SLC9C2: variants seen among roughly 807,000 people sequenced by gnomAD.
SLC9C2 encodes the protein solute carrier family 9 member C2 (putative), also known as sodium/hydrogen exchanger 11.
In SLC9C2, 75 loss-of-function variants were observed where a neutral mutation model predicts 140.2. The ratio of observed to expected loss-of-function variants is 0.53; its 90% CI spans 0.44 to 0.65. The LOEUF is 0.65. SLC9C2 is among the 30% of genes least tolerant of loss of function. SLC9C2 has a pLI of 0.00. For missense variants in SLC9C2, 1,074 were observed against 1,331.8 expected, an observed-to-expected ratio of 0.81 and a Z score of 3.01; for synonymous variants, 375 against 420.9, an observed-to-expected ratio of 0.89 and a Z score of 1.34.
intron 26 of SLC9C2, 140 bp from the exon 27 acceptor site, chr1:173,503,466 T>A (rs1659420850): frequency 7.8e-6 from 6 of 770,028 alleles, no homozygotes; most frequent in Non-Finnish European, 1.2e-5. Context: ...TGTCCCTGTT[T>A]TTCTTCCCTC....
intron 3 of SLC9C2, among the ~76,000 whole-genome samples, chr1:173,598,740 G>C (rs1666584203): frequency 6.6e-6 from 1 of 152,152 alleles, no homozygotes; most frequent in Admixed American, 6.5e-5. Flanking sequence ...ATTAACTCAA[G>C]GGTTAATAAG....
chr1:173,515,970 T>C (rs1350338387), intron 23 of SLC9C2, among the ~76,000 whole-genome samples: 1 of 152,190 alleles, frequency 6.6e-6, no homozygotes, highest in African/African-American at 2.4e-5. Context: ...CCTATTCATC[T>C]GGTTTGCTCC....
intron 5 of SLC9C2, among the ~76,000 whole-genome samples, chr1:173,584,796 T>C (rs1016489698): frequency 6.6e-6 from 1 of 152,166 alleles, no homozygotes; most frequent in Non-Finnish European, 1.5e-5. Flanking sequence ...CATTAGGTCA[T>C]TTGAAGTTGT....
intron 22 of SLC9C2, among the ~76,000 whole-genome samples, chr1:173,518,056 C>A (rs767689892): frequency 6.6e-6 from 1 of 152,014 alleles, no homozygotes; most frequent in Non-Finnish European, 1.5e-5. Context: ...ATCAAGAGTT[C>A]GGGACCAGCC....
At chr1:173,526,233 T>C (rs1278516786) in intron 19 of SLC9C2, among the ~76,000 whole-genome samples, 1 of 152,188 alleles carries the variant, frequency 6.6e-6, no homozygotes, top group Non-Finnish European at 1.5e-5. Flanking sequence ...GGAAATGACA[T>C]TCGTTGCAGC....
At chr1:173,521,477 C>CTATA (rs146332693) in intron 21 of SLC9C2, 78 bp from the exon 22 acceptor site, 3,314 of 253,854 alleles carry the variant, frequency 0.013, 84 homozygotes, top group African/African-American at 0.055. Flanking sequence ...TAAATATTTT[C>CTATA]TATATATATA....
At chr1:173,592,140 T>G (rs1287884617) in intron 4 of SLC9C2, among the ~76,000 whole-genome samples, 3 of 152,226 alleles carry the variant, frequency 2.0e-5, no homozygotes, top group Non-Finnish European at 4.4e-5. Context: ...TACCCATTGT[T>G]TGTTTTTATC....
Position 173,512,267 on chromosome 1 carries a change from A to T in SLC9C2, c.2908-2568T>A, listed in dbSNP as rs1469085334. Among the ~76,000 whole-genome samples the T allele has an allele frequency of 2.6e-5, 4 of 152,168 alleles. No homozygotes were observed. The East Asian group carries it at 5.8e-4, about 22-fold the overall frequency. The stretch of plus-strand genomic sequence containing the variant: ...CAGTATGGTCATTTTCACACTATTG[A>T]TTCTTCCTATCCATAAGCATGGAAT... On this transcript the variant is annotated intron_variant, in intron 23 of 27. Transcript: ENST00000367714.
intron 1 of SLC9C2, among the ~76,000 whole-genome samples, chr1:173,602,061 C>T (rs528028391): frequency 1.3e-5 from 2 of 152,256 alleles, no homozygotes; most frequent in South Asian, 2.1e-4. Context: ...TGTACTGTTA[C>T]ATGTATATGG....
chr1:173,589,714 A>T (rs748641799), intron 4 of SLC9C2, among the ~76,000 whole-genome samples: 9 of 152,234 alleles, frequency 5.9e-5, no homozygotes, highest in Non-Finnish European at 1.3e-4. Flanking sequence ...GGATGCAATC[A>T]AAGCAGTGTT....
intron 18 of SLC9C2, among the ~76,000 whole-genome samples, chr1:173,527,991 C>T (rs1661326226): frequency 6.6e-6 from 1 of 152,138 alleles, no homozygotes; most frequent in Non-Finnish European, 1.5e-5. Flanking sequence ...ACCAACATAT[C>T]CTAGCCCAGC....
intron 3 of SLC9C2, among the ~76,000 whole-genome samples, chr1:173,599,677 C>G (rs1666666783): frequency 6.6e-6 from 1 of 151,830 alleles, no homozygotes; most frequent in Non-Finnish European, 1.5e-5. Flanking sequence ...GATGTCGGCT[C>G]ACTGCAACCT....
At chr1:173,521,271 A>G in intron 22 of SLC9C2, 30 bp downstream of exon 22, 2 of 604,278 alleles carry the variant, frequency 3.3e-6, no homozygotes, top group East Asian at 2.3e-4. Context: ...TTTTAAGTAA[A>G]AAAAAAAAAA....
intron 3 of SLC9C2, among the ~76,000 whole-genome samples, chr1:173,599,614 T>C (rs1266749205): frequency 1.3e-5 from 2 of 151,340 alleles, no homozygotes; most frequent in Non-Finnish European, 2.9e-5. Flanking sequence ...TTTCTTTCCT[T>C]CTTTTTTTTT....
At chr1:173,521,489 AT>A in intron 21 of SLC9C2, 90 bp from the exon 22 acceptor site, 1 of 301,296 alleles carries the variant, frequency 3.3e-6, no homozygotes, top group Non-Finnish European at 6.1e-6. Context: ...ATATATATAT[AT>A]ATATATATGA....
At chr1:173,585,518 A>T (rs1665799214) in intron 5 of SLC9C2, among the ~76,000 whole-genome samples, 1 of 152,208 alleles carries the variant, frequency 6.6e-6, no homozygotes, top group African/African-American at 2.4e-5. Flanking sequence ...AACAAGTGAG[A>T]GTGACTTTCC....
chr1:173,522,827 G>A (rs868657164), intron 21 of SLC9C2, among the ~76,000 whole-genome samples: 72 of 152,184 alleles, frequency 4.7e-4, no homozygotes, highest in African/African-American at 1.7e-3. Context: ...ACTTGGCCTC[G>A]GGGCCTCCTT....
chr1:173,527,407 C>A (rs148911270), intron 18 of SLC9C2, among the ~76,000 whole-genome samples: 2 of 152,156 alleles, frequency 1.3e-5, no homozygotes, highest in East Asian at 3.8e-4. Flanking sequence ...GCCAAGTGAG[C>A]AGCTAGTTGG....
rs369336147 is a variant in SLC9C2 at position 173,529,890 on chromosome 1, G to T, written c.2313+15C>A. ...AGGGGTTTTTCTCCCCAAATGACCAGTGCTTGTTTCTCACCTGATATATTG... is the reference window on the plus strand; with the variant it reads ...AGGGGTTTTTCTCCCCAAATGACCATTGCTTGTTTCTCACCTGATATATTG... On this transcript the variant is annotated intron_variant, in intron 18 of 27. Coordinates refer to ENST00000367714, the MANE Select transcript of SLC9C2 (RefSeq NM_178527.4). 6.2e-5 allele frequency: 100 copies of T among 1,601,034 alleles called. No homozygotes were observed. Among genetic ancestry groups the T allele is most frequent in the Non-Finnish European group, 8.4e-5 (99 of 1,176,792 alleles).
Sources: gnomAD v4.1 joint callset for allele counts (sites outside exome capture counted in the v4.1 genomes callset) on GRCh38, gnomAD v4.1.1 for gene constraint, MANE v1.5 for transcripts, NCBI Gene and HGNC (gene_info 2026-07-23, HGNC 2026-07-21) for gene names.